KCNK2: variants seen among roughly 807,000 people sequenced by gnomAD.
KCNK2 encodes the protein potassium channel subfamily K member 2.
In KCNK2, 21 loss-of-function variants were observed where a neutral mutation model predicts 40.5. The ratio of observed to expected loss-of-function variants is 0.52; its 90% CI spans 0.37 to 0.75. The LOEUF is 0.75. Ranked by LOEUF, KCNK2 falls within the 30% of genes least tolerant of loss-of-function variation. The probability of loss-of-function intolerance (pLI) is 0.00; values close to 1 mark genes in which losing one functional copy is unlikely to be tolerated. For synonymous variants in KCNK2, 191 were observed against 202.2 expected (o/e 0.94, Z 0.47); for missense variants, 399 against 531.6 (o/e 0.75, Z 2.45).
At chr1:215,204,601 GT>G (rs1245356706) in intron 6 of KCNK2, among the ~76,000 whole-genome samples, 1 of 152,034 alleles carries the variant, frequency 6.6e-6, no homozygotes, top group East Asian at 1.9e-4. Context: ...TTTCAAAATT[GT>G]TTTTGGACTT....
chr1:215,092,474 G>C (rs538204409), intron 2 of KCNK2, among the ~76,000 whole-genome samples: 1 of 152,168 alleles, frequency 6.6e-6, no homozygotes, highest in Non-Finnish European at 1.5e-5. Flanking sequence ...GCAGGAAAAT[G>C]ATAGACATAT....
chr1:215,083,194 T>TGCCCCCCCCCCCCCCCCCCCCGGGCC lies in KCNK2; in HGVS notation c.-192_-191insGCCCCCCCCCCCCCCCCCCCCGGGCC. On this transcript the variant is annotated 5_prime_UTR_variant, in exon 1 of 7. Coordinates refer to ENST00000444842, the MANE Select transcript of KCNK2 (RefSeq NM_001017425.3). Reference sequence around the variant, plus strand: ...CCCGCGATTTCGTTTCTTCTCACGCTCCCCCCCCCGCCCCCTCCCGCGTCC... The same window carrying TGCCCCCCCCCCCCCCCCCCCCGGGCC: ...CCCGCGATTTCGTTTCTTCTCACGCTGCCCCCCCCCCCCCCCCCCCCGGGCCCCCCCCCCCGCCCCCTCCCGCGTCC... The TGCCCCCCCCCCCCCCCCCCCCGGGCC allele has an allele frequency of 2.0e-6, 1 of 501,814 alleles. No homozygotes were observed. The highest frequency in any genetic ancestry group is 3.3e-6 in the Non-Finnish European group (1 of 301,554). 31.1% of individuals were successfully genotyped at this position (501,814 alleles called of 1,614,324 possible).
chr1:215,221,139 G>T (rs1297210715), intron 6 of KCNK2, among the ~76,000 whole-genome samples: 1 of 152,244 alleles, frequency 6.6e-6, no homozygotes, highest in Non-Finnish European at 1.5e-5. Context: ...AGAGGCCAAG[G>T]CCAAGGTGGG....
chr1:215,125,070 G>C (rs1206106870), intron 3 of KCNK2, among the ~76,000 whole-genome samples: 1 of 152,044 alleles, frequency 6.6e-6, no homozygotes, highest in Non-Finnish European at 1.5e-5. Flanking sequence ...TAATTTTCCT[G>C]AATTTTTGAT....
At chr1:215,225,146 A>T (rs747417210) in intron 6 of KCNK2, among the ~76,000 whole-genome samples, 1 of 152,194 alleles carries the variant, frequency 6.6e-6, no homozygotes, top group Non-Finnish European at 1.5e-5. Flanking sequence ...GGTAATTGCT[A>T]AAATCCATAG....
intron 3 of KCNK2, among the ~76,000 whole-genome samples, chr1:215,136,040 C>A (rs2102595047): frequency 6.6e-6 from 1 of 151,280 alleles, no homozygotes; most frequent in African/African-American, 2.4e-5. Flanking sequence ...GCCTACCAAC[C>A]AGTTATTTTA....
chr1:215,164,439 A>G (rs1476189320), intron 3 of KCNK2, among the ~76,000 whole-genome samples: 1 of 151,466 alleles, frequency 6.6e-6, no homozygotes, highest in African/African-American at 2.4e-5. Context: ...GATCTTAGTT[A>G]TTTCTTGTCT....
intron 5 of KCNK2, among the ~76,000 whole-genome samples, chr1:215,174,416 C>G (rs1364052479): frequency 2.6e-5 from 4 of 152,160 alleles, no homozygotes; most frequent in Non-Finnish European, 5.9e-5. Context: ...ATGCCTCCAG[C>G]TTTGTTCTTT....
chr1:215,140,632 A>AT lies in KCNK2; in HGVS notation c.475+15888dup, dbSNP rs1259193013. Reference sequence around the variant, plus strand: ...ATGCACAAAATAAATGGTATAAAAGATTTTTTAAAAATAGTACACTTGTGT... The same window carrying AT: ...ATGCACAAAATAAATGGTATAAAAGATTTTTTTAAAAATAGTACACTTGTGT... On this transcript the variant is annotated intron_variant, in intron 3 of 6. Transcript: ENST00000444842. Among the ~76,000 whole-genome samples the AT allele has an allele frequency of 9.2e-5, 14 of 152,270 alleles. No individual in the cohort carries two copies. The South Asian group carries it at 1.9e-3, about 20-fold the overall frequency.
chr1:215,108,184 G>C (rs1660521605), intron 2 of KCNK2, among the ~76,000 whole-genome samples: 1 of 152,096 alleles, frequency 6.6e-6, no homozygotes, highest in Non-Finnish European at 1.5e-5. Context: ...AAGCTCCCTG[G>C]TGGCCGCTCA....
At chr1:215,091,433 AAATAAATAAACATGCCTTCTCTAG>A (rs1659689273) in intron 2 of KCNK2, among the ~76,000 whole-genome samples, 2 of 151,734 alleles carry the variant, frequency 1.3e-5, no homozygotes, top group Non-Finnish European at 2.9e-5. Context: ...GCTACAGGAT[AAATAAATAAACATGCCTTCTCTAG>A]AATACCAGTG....
intron 6 of KCNK2, among the ~76,000 whole-genome samples, chr1:215,224,788 C>T (rs1666317695): frequency 6.6e-6 from 1 of 152,058 alleles, no homozygotes; most frequent in Non-Finnish European, 1.5e-5. Flanking sequence ...TGTAGAGCTA[C>T]AATTTGGAAA....
In KCNK2 at chr1:215,020,045, T is replaced by C. The variant is rs144891359; in HGVS notation, c.34+14090T>C. ...GTCATTATAGATCTATTCATCAAAG[T>C]TCATAGCATTAATTATCCCTTTTTT... On this transcript the variant is annotated intron_variant, in intron 1 of 6. Coordinates refer to the KCNK2 transcript ENST00000391895. 3.8e-3 allele frequency among the ~76,000 whole-genome samples: 574 copies of C among 152,276 alleles called. 2 individuals are homozygous for C. The highest frequency in any genetic ancestry group is 0.013 in the African/African-American group (551 of 41,558).
chr1:215,039,041 C>T (rs912652664), intron 1 of KCNK2, among the ~76,000 whole-genome samples: 5 of 151,702 alleles, frequency 3.3e-5, no homozygotes, highest in African/African-American at 4.8e-5. Flanking sequence ...CTGACAATGT[C>T]GGTGAAATGA....
chr1:215,037,420 G>A (rs1657425878), intron 1 of KCNK2, among the ~76,000 whole-genome samples: 1 of 151,848 alleles, frequency 6.6e-6, no homozygotes, highest in Non-Finnish European at 1.5e-5. Flanking sequence ...ATATTTCTGG[G>A]TTTGAGATAT....
intron 2 of KCNK2, among the ~76,000 whole-genome samples, chr1:215,112,361 T>TA (rs199679617): frequency 4.6e-5 from 7 of 151,208 alleles, no homozygotes; most frequent in African/African-American, 1.7e-4. Context: ...ATTAAATAGT[T>TA]AAAAAAAAGA....
intron 5 of KCNK2, 41 bp from the exon 6 acceptor site, chr1:215,194,912 A>G: frequency 6.3e-7 from 1 of 1,598,818 alleles, no homozygotes; most frequent in South Asian, 1.1e-5. Flanking sequence ...TTTACTTTTA[A>G]GACTATGAAG....
At chr1:215,084,118 T>C (rs550007246) in intron 1 of KCNK2, among the ~76,000 whole-genome samples, 1 of 151,778 alleles carries the variant, frequency 6.6e-6, no homozygotes, top group East Asian at 1.9e-4. Context: ...ATATTTCTGC[T>C]AATTAAAAAA....
chr1:215,128,824 G>A (rs1241677709), intron 3 of KCNK2, among the ~76,000 whole-genome samples: 1 of 152,218 alleles, frequency 6.6e-6, no homozygotes, highest in East Asian at 1.9e-4. Context: ...TAAAGAAGTA[G>A]GGGGAAGTAA....
Sources: allele counts gnomAD v4.1 joint callset (sites outside exome capture counted in the v4.1 genomes callset), GRCh38; gene constraint gnomAD v4.1.1; transcripts MANE v1.5; gene names NCBI Gene and HGNC (gene_info 2026-07-23, HGNC 2026-07-21).